The following TENT4A variants were observed in gnomAD, a reference collection of about 807,000 sequenced individuals.
The protein encoded by TENT4A is DNA polymerase kappa.
In TENT4A, 7 loss-of-function variants were observed where a neutral mutation model predicts 72.8. The ratio of observed to expected loss-of-function variants is 0.10; its 90% CI spans 0.05 to 0.18. TENT4A has a LOEUF of 0.18. TENT4A is among the 10% of genes least tolerant of loss of function. The probability of loss-of-function intolerance (pLI) is 1.00; values close to 1 mark genes in which losing one functional copy is unlikely to be tolerated. For missense variants in TENT4A, 831 were observed against 1,017.7 expected, an observed-to-expected ratio of 0.82 and a Z score of 2.50; for synonymous variants, 456 against 434.3, an observed-to-expected ratio of 1.05 and a Z score of -0.62.
intron 1 of TENT4A, among the ~76,000 whole-genome samples, chr5:6,728,613 C>G (rs950192470): frequency 2.6e-5 from 4 of 152,166 alleles, no homozygotes; most frequent in Non-Finnish European, 5.9e-5. Flanking sequence ...TTTAGCCATG[C>G]GGGGCTAGGA....
rs1189820956 is a variant in TENT4A, at chr5:6,755,504, G to A, written c.*559G>A. ...TTTCACATAAGTTATATTTAAGGGA[G>A]GAGGGAATTTTTTTTAAACAAGCTT... On this transcript the variant is annotated 3_prime_UTR_variant, in exon 13 of 13. Transcript: ENST00000230859. 6.6e-6 allele frequency: 1 copy of A among 152,646 alleles called. No individual in the cohort carries two copies. The highest frequency in any genetic ancestry group is 1.5e-5 in the Non-Finnish European group (1 of 68,038). The allele number at this position is 152,646 out of a possible 1,614,324, so 9.5% of individuals were successfully genotyped here.
intron 1 of TENT4A, among the ~76,000 whole-genome samples, chr5:6,720,675 AAAAT>A (rs141500932): frequency 0.36 from 51,050 of 139,926 alleles, 9,449 homozygotes; most frequent in East Asian, 0.44. Flanking sequence ...ACTCTGTCTC[AAAAT>A]AAATAAATAA....
chr5:6,732,628 G>C (rs1345629059), intron 1 of TENT4A, among the ~76,000 whole-genome samples: 1 of 152,178 alleles, frequency 6.6e-6, no homozygotes, highest in Non-Finnish European at 1.5e-5. Flanking sequence ...GTGATCTTTT[G>C]TTGTTTTTCA....
intron 1 of TENT4A, among the ~76,000 whole-genome samples, chr5:6,734,563 G>T (rs1741375761): frequency 6.6e-6 from 1 of 152,260 alleles, no homozygotes; most frequent in Non-Finnish European, 1.5e-5. Context: ...GGATGGCCGG[G>T]CCCCCGGCAG....
intron 1 of TENT4A, among the ~76,000 whole-genome samples, chr5:6,715,273 A>G (rs1488683670): frequency 6.6e-6 from 1 of 152,262 alleles, no homozygotes; most frequent in East Asian, 1.9e-4. Flanking sequence ...TAATTCAAAG[A>G]AAAAACCAGA....
chr5:6,715,868 C>T (rs1740357228), intron 1 of TENT4A, among the ~76,000 whole-genome samples: 1 of 152,184 alleles, frequency 6.6e-6, no homozygotes, highest in African/African-American at 2.4e-5. Context: ...GCAGTGCAGA[C>T]GCCGGCAGGA....
Position 6,743,904 on chromosome 5 carries a change from GT to G in TENT4A, c.1245+66del, listed in dbSNP as rs1394405399. ...GTGTAAGAGTAGACTCTTCCAACCAGTTGCCTAGTGGGTTCCAGCAGCCTTT... is the reference window on the plus strand; with the variant it reads ...GTGTAAGAGTAGACTCTTCCAACCAGTGCCTAGTGGGTTCCAGCAGCCTTT... On this transcript the variant is annotated intron_variant, in intron 6 of 12. Coordinates refer to ENST00000230859, the MANE Select transcript of TENT4A (RefSeq NM_006999.6). 6 of 1,483,010 alleles carry G rather than the reference GT, an allele frequency of 4.0e-6. No homozygotes were observed. The Admixed American group carries it at 1.1e-4, about 28-fold the overall frequency. 91.9% of individuals were successfully genotyped at this position (1,483,010 alleles called of 1,614,324 possible).
Position 6,738,738 on chromosome 5 carries a change from C to G in TENT4A, c.887+9C>G. On this transcript the variant is annotated intron_variant, in intron 3 of 12. Coordinates refer to ENST00000230859, the MANE Select transcript of TENT4A (RefSeq NM_006999.6). ...CTTTATCTTCCAACTAGGTGAGTAC[C>G]AGACTGCATGGCATGGGCTAGTGGG... 1 of 1,602,382 alleles carries G rather than the reference C, an allele frequency of 6.2e-7. No individual in the cohort carries two copies. The highest frequency in any genetic ancestry group is 8.6e-7 in the Non-Finnish European group (1 of 1,169,354).
chr5:6,754,765 G>C lies in TENT4A; in HGVS notation c.2199G>C (p.Met733Ile). 2.5e-6 allele frequency: 4 copies of C among 1,582,102 alleles called. No homozygotes were observed. The highest frequency in any genetic ancestry group is 3.5e-6 in the Non-Finnish European group (4 of 1,155,816). ...PHLYHKQHNG[M>I]KLSMKGSHGH... ...TCTTTCTCCAGCAGCACAACGGCAT[G>C]AAACTGTCCATGAAGGGCTCTCACG... Residue 733 changes from methionine (M) to isoleucine (I), a missense_variant, in exon 13 of 13, where the codon ATG becomes ATC. This residue lies in a region of TENT4A where 332 missense variants were observed against 324.3 expected (regional missense o/e 1.02). Transcript: ENST00000230859.
At chr5:6,717,439 C>A (rs1261865559) in intron 1 of TENT4A, among the ~76,000 whole-genome samples, 1 of 152,228 alleles carries the variant, frequency 6.6e-6, no homozygotes, top group East Asian at 1.9e-4. Flanking sequence ...TGTGGCAACC[C>A]TCACTGTTTG....
Position 6,752,898 on chromosome 5 carries a change from C to T in TENT4A, c.2045C>T (p.Thr682Ile), listed in dbSNP as rs199783023. 6.2e-7 allele frequency: 1 copy of T among 1,614,110 alleles called. No homozygotes were observed. Among genetic ancestry groups the T allele is most frequent in the African/African-American group, 1.3e-5 (1 of 75,028 alleles). ...NQTRFTIPPP[T>I]LGVAPVPCRQ... ...ACCAGGTTTACTATACCTCCACCGA[C>T]CCTAGGGGTTGCTCCTGTTCCTTGC... Residue 682 changes from threonine (T) to isoleucine (I), a missense_variant, in exon 12 of 13, where the codon ACC (threonine) becomes ATC (isoleucine). This residue lies in a region of TENT4A where 332 missense variants were observed against 324.3 expected (regional missense o/e 1.02). Coordinates refer to ENST00000230859, the MANE Select transcript of TENT4A (RefSeq NM_006999.6).
intron 1 of TENT4A, among the ~76,000 whole-genome samples, chr5:6,721,298 T>C (rs1740634020): frequency 6.6e-6 from 1 of 152,350 alleles, no homozygotes; most frequent in East Asian, 1.9e-4. Context: ...GGGAAACTTT[T>C]GTTGTTTGTC....
intron 6 of TENT4A, 167 bp from the exon 7 acceptor site, chr5:6,746,047 C>T (rs1006581490): frequency 9.5e-6 from 14 of 1,474,818 alleles, no homozygotes; most frequent in African/African-American, 5.7e-5. Flanking sequence ...GAACACTCCT[C>T]GTTGAAGAGG....
intron 6 of TENT4A, 122 bp downstream of exon 6, chr5:6,743,962 T>C (rs1274764624): frequency 1.2e-6 from 1 of 849,592 alleles, no homozygotes; most frequent in East Asian, 2.5e-5. Flanking sequence ...TTCAATTTGG[T>C]AGAGGCTGAT....
At chr5:6,720,875 C>T (rs274718) in intron 1 of TENT4A, among the ~76,000 whole-genome samples, 1 of 151,716 alleles carries the variant, frequency 6.6e-6, no homozygotes, top group African/African-American at 2.4e-5. Context: ...GAACCCAGTT[C>T]TCTTAAGTTG....
intron 1 of TENT4A, among the ~76,000 whole-genome samples, chr5:6,730,601 C>T (rs910499799): frequency 2.0e-4 from 31 of 152,246 alleles, no homozygotes; most frequent in African/African-American, 7.5e-4. Flanking sequence ...TCATTCACAG[C>T]CCCTGTGTAG....
intron 1 of TENT4A, among the ~76,000 whole-genome samples, chr5:6,716,940 G>A (rs1740416382): frequency 6.6e-6 from 1 of 152,212 alleles, no homozygotes; most frequent in African/African-American, 2.4e-5. Flanking sequence ...TGCCGTCTCT[G>A]CCCAAAGGGG....
chr5:6,750,617 G>A lies in TENT4A; in HGVS notation c.1860+114G>A, dbSNP rs946819959. 19 of 1,025,658 alleles carry A rather than the reference G, an allele frequency of 1.9e-5. No individual in the cohort carries two copies. In the African/African-American group the frequency reaches 2.8e-4, roughly 15 times the overall value. 63.5% of individuals were successfully genotyped at this position (1,025,658 alleles called of 1,614,324 possible). A position where few individuals can be genotyped will look rare whatever the true frequency, so the allele number is the denominator to read the frequency against. ...GGTTTTGCTCAGGTTTTGTTTCCTT[G>A]TATGTGTGTGGAGGTGGGTGGGGGG... On this transcript the variant is annotated intron_variant, in intron 10 of 12. Coordinates refer to ENST00000230859, the MANE Select transcript of TENT4A (RefSeq NM_006999.6).
At chr5:6,734,388 AATG>A (rs1179349066) in intron 1 of TENT4A, among the ~76,000 whole-genome samples, 1 of 152,226 alleles carries the variant, frequency 6.6e-6, no homozygotes, top group African/African-American at 2.4e-5. Flanking sequence ...CAGAGGATGT[AATG>A]ATGATGGTTG....
Sources: gnomAD v4.1 joint callset for allele counts (sites outside exome capture counted in the v4.1 genomes callset) on GRCh38, gnomAD v4.1.1 for gene constraint, gnomAD v4.1.1 regional missense constraint, MANE v1.5 for transcripts, NCBI Gene and HGNC (gene_info 2026-07-23, HGNC 2026-07-21) for gene names.